Variants in WDR7 observed in about 807,000 individuals in gnomAD.
WDR7 encodes WD repeat domain 7, also known as WD repeat-containing protein 7.
In WDR7, 46 loss-of-function variants were observed where a neutral mutation model predicts 169.4. The ratio of observed to expected loss-of-function variants is 0.27; its 90% CI spans 0.21 to 0.35. The LOEUF (loss-of-function observed/expected upper bound fraction) is 0.35, where lower values mean the gene tolerates loss of function less well. Ranked by LOEUF, WDR7 falls within the 10% of genes least tolerant of loss-of-function variation. The pLI, the probability that WDR7 is intolerant of heterozygous loss-of-function variation, is 1.00. For missense variants in WDR7, 1,534 were observed against 1,859.3 expected (o/e 0.83, Z 3.22); for synonymous variants, 612 against 666.8 (o/e 0.92, Z 1.27).
chr18:56,737,973 T>C (rs574746553), intron 14 of WDR7, among the ~76,000 whole-genome samples: 69 of 152,328 alleles, frequency 4.5e-4, no homozygotes, highest in African/African-American at 1.5e-3. Context: ...TTATTATATA[T>C]TCATAAGTAT....
intron 21 of WDR7, among the ~76,000 whole-genome samples, chr18:56,891,893 TTACC>T (rs1244657083): frequency 6.6e-6 from 1 of 152,152 alleles, no homozygotes; most frequent in Admixed American, 6.6e-5. Context: ...TGTATGTTTA[TTACC>T]TTATTTCTCA....
intron 21 of WDR7, among the ~76,000 whole-genome samples, chr18:56,907,630 A>G (rs767963096): frequency 6.6e-6 from 1 of 152,164 alleles, no homozygotes; most frequent in Non-Finnish European, 1.5e-5. Context: ...AAAATACTTT[A>G]GGCTCGGTAA....
rs373874369 is a variant in WDR7 at position 56,715,316 on chromosome 18, A to T, written c.1579-2648A>T. Reference sequence around the variant, plus strand: ...ATCTCCAGTAGGGCAGAATTTTAGGAACGCCTAACATAGTAGAGAATATTG... The same window carrying T: ...ATCTCCAGTAGGGCAGAATTTTAGGTACGCCTAACATAGTAGAGAATATTG... On this transcript the variant is annotated intron_variant, in intron 12 of 27. Coordinates refer to ENST00000254442, the MANE Select transcript of WDR7 (RefSeq NM_015285.3). 1.2e-4 allele frequency among the ~76,000 whole-genome samples: 18 copies of T among 152,286 alleles called. No individual in the cohort carries two copies. In the East Asian group the frequency reaches 2.7e-3, roughly 23 times the overall value.
intron 2 of WDR7, among the ~76,000 whole-genome samples, chr18:56,676,882 G>A (rs965920546): frequency 5.9e-5 from 9 of 151,922 alleles, no homozygotes; most frequent in Middle Eastern, 3.2e-3. Context: ...GCTAAGTGCT[G>A]GAATTACAGG....
chr18:56,907,317 G>A (rs1351607417), intron 21 of WDR7, among the ~76,000 whole-genome samples: 1 of 48,596 alleles, frequency 2.1e-5, no homozygotes, highest in East Asian at 5.8e-3. Context: ...GTATGGTTGT[G>A]ATCAAAAATG....
chr18:56,865,285 A>G (rs2045867092), intron 20 of WDR7, among the ~76,000 whole-genome samples: 1 of 152,056 alleles, frequency 6.6e-6, no homozygotes. Context: ...TGCAAAGCCT[A>G]TTTCTCAAAG....
intron 18 of WDR7, among the ~76,000 whole-genome samples, chr18:56,781,138 TA>T (rs1057187433): frequency 1.3e-5 from 2 of 152,046 alleles, no homozygotes; most frequent in Non-Finnish European, 2.9e-5. Context: ...AACTTCAAGC[TA>T]AAAAAACAAT....
At chr18:56,876,321 A>G (rs2046021329) in intron 20 of WDR7, among the ~76,000 whole-genome samples, 1 of 152,182 alleles carries the variant, frequency 6.6e-6, no homozygotes, top group Non-Finnish European at 1.5e-5. Context: ...TAGAAAGAGC[A>G]GAAAGCTGAC....
At position 56,794,820 on chromosome 18, in the gene WDR7, A is replaced by G. The variant is rs1161226883; in HGVS notation, c.3190+13164A>G. Among the ~76,000 whole-genome samples, 10 of 152,276 alleles carry G rather than the reference A, an allele frequency of 6.6e-5. 1 individual carries two copies. In the Middle Eastern group the frequency reaches 0.01, roughly 155 times the overall value. ...ACATGTTGCATATTTCTTTTAATCT[A>G]TAGAGTTTCTATCAATCAATCATCT... is the stretch of plus-strand genomic sequence containing the variant. On this transcript the variant is annotated intron_variant, in intron 19 of 27. Transcript: ENST00000254442.
chr18:56,918,566 AC>A (rs1229555795), intron 21 of WDR7, among the ~76,000 whole-genome samples: 2 of 152,174 alleles, frequency 1.3e-5, no homozygotes, highest in African/African-American at 4.8e-5. Flanking sequence ...AAATGTATTC[AC>A]CAAAAAAAGT....
intron 2 of WDR7, among the ~76,000 whole-genome samples, chr18:56,675,378 GT>G (rs1333309069): frequency 3.3e-5 from 5 of 151,088 alleles, no homozygotes; most frequent in African/African-American, 9.7e-5. Context: ...TAGATCTTTA[GT>G]TTTTTTTCAG....
chr18:56,970,319 C>T (rs578124023), intron 26 of WDR7, among the ~76,000 whole-genome samples: 1 of 151,078 alleles, frequency 6.6e-6, no homozygotes, highest in African/African-American at 2.4e-5. Context: ...ATTATACTTA[C>T]TGATCTGTCC....
chr18:56,742,323 T>C (rs947864835), intron 14 of WDR7, among the ~76,000 whole-genome samples: 1 of 152,214 alleles, frequency 6.6e-6, no homozygotes, highest in Non-Finnish European at 1.5e-5. Flanking sequence ...TTGTGTATAA[T>C]ACTTTAACTC....
chr18:56,669,887 C>T (rs1361192994), intron 1 of WDR7, among the ~76,000 whole-genome samples: 10 of 152,044 alleles, frequency 6.6e-5, no homozygotes, highest in Non-Finnish European at 1.0e-4. Flanking sequence ...ATGTTGGGAA[C>T]GTTAAGCATG....
chr18:56,984,257 T>C (rs906984435), intron 26 of WDR7, among the ~76,000 whole-genome samples: 29 of 152,234 alleles, frequency 1.9e-4, no homozygotes, highest in African/African-American at 7.0e-4. Context: ...AAATAATAAA[T>C]CAACATATTC....
In WDR7 at chr18:57,027,476, A is replaced by C. The variant is rs1259844310; in HGVS notation, c.*269A>C. 4 of 513,414 alleles carry C rather than the reference A, an allele frequency of 7.8e-6. No homozygotes were observed. Among genetic ancestry groups the C allele is most frequent in the African/African-American group, 3.9e-5 (2 of 51,684 alleles). 31.8% of individuals were successfully genotyped at this position (513,414 alleles called of 1,614,324 possible). On this transcript the variant is annotated 3_prime_UTR_variant, in exon 28 of 28. Transcript: ENST00000254442. Reference sequence around the variant, plus strand: ...TTCCCTGCCAGAGATGGCAGGGGAAAGCCAGTGGTTCCTGGGAACGCTCTT... The same window carrying C: ...TTCCCTGCCAGAGATGGCAGGGGAACGCCAGTGGTTCCTGGGAACGCTCTT...
intron 19 of WDR7, among the ~76,000 whole-genome samples, chr18:56,807,163 A>T (rs905053213): frequency 6.6e-6 from 1 of 152,006 alleles, no homozygotes; most frequent in Non-Finnish European, 1.5e-5. Context: ...AAAAAAAAAA[A>T]AAAATTCATG....
intron 14 of WDR7, among the ~76,000 whole-genome samples, chr18:56,733,636 G>A (rs2026635072): frequency 6.6e-6 from 1 of 152,000 alleles, no homozygotes; most frequent in African/African-American, 2.4e-5. Flanking sequence ...TAATTATACT[G>A]GACATTGAAA....
intron 21 of WDR7, among the ~76,000 whole-genome samples, chr18:56,897,037 A>G (rs2046341352): frequency 6.6e-6 from 1 of 151,936 alleles, no homozygotes; most frequent in East Asian, 1.9e-4. Flanking sequence ...GGAAACAAGG[A>G]TGGCCAGTAC....
Sources: allele counts gnomAD v4.1 joint callset (sites outside exome capture counted in the v4.1 genomes callset), GRCh38; gene constraint gnomAD v4.1.1; transcripts MANE v1.5; gene names NCBI Gene and HGNC (gene_info 2026-07-23, HGNC 2026-07-21).